Variants in LRMDA observed in about 807,000 individuals in gnomAD.
The protein encoded by LRMDA is leucine rich melanocyte differentiation associated, also known as leucine-rich melanocyte differentiation-associated protein.
In LRMDA, 18 loss-of-function variants were observed where a neutral mutation model predicts 29.8. The observed-to-expected ratio is 0.60, with a 90% CI of 0.42 to 0.90. LRMDA has a LOEUF of 0.90. Among genes scored for constraint, LRMDA ranks in the 40% least tolerant of loss-of-function variants. The probability of loss-of-function intolerance (pLI) is 0.00; values close to 1 mark genes in which losing one functional copy is unlikely to be tolerated. For missense variants in LRMDA, 273 were observed against 273.9 expected (o/e 1.00, Z 0.02); for synonymous variants, 125 against 109.4 (o/e 1.14, Z -0.89).
chr10:76,316,353 C>T (rs557509462), intron 5 of LRMDA, among the ~76,000 whole-genome samples: 4 of 152,178 alleles, frequency 2.6e-5, no homozygotes, highest in Admixed American at 2.0e-4. Flanking sequence ...GCACTTGGAG[C>T]TGCCTGCCCC....
chr10:76,011,468 C>T (rs1407275832), intron 2 of LRMDA, among the ~76,000 whole-genome samples: 1 of 152,146 alleles, frequency 6.6e-6, no homozygotes, highest in Non-Finnish European at 1.5e-5. Flanking sequence ...TGCTGTGAGC[C>T]AGTGTGTGAC....
chr10:75,923,788 A>G (rs1885821), intron 2 of LRMDA, among the ~76,000 whole-genome samples: 17,378 of 152,052 alleles, frequency 0.11, 2,423 homozygotes, highest in African/African-American at 0.33. Context: ...CAGAGGAATG[A>G]CCTTCCATTT....
intron 6 of LRMDA, among the ~76,000 whole-genome samples, chr10:76,468,384 G>T (rs987652157): frequency 6.6e-6 from 1 of 152,158 alleles, no homozygotes; most frequent in Non-Finnish European, 1.5e-5. Context: ...TCACTGGCTG[G>T]CAAGTTTTGA....
chr10:76,510,218 G>A (rs1842996470), intron 6 of LRMDA, among the ~76,000 whole-genome samples: 2 of 151,982 alleles, frequency 1.3e-5, no homozygotes, highest in South Asian at 2.1e-4. Flanking sequence ...CTACAAGCGT[G>A]TGCCACCACG....
intron 2 of LRMDA, among the ~76,000 whole-genome samples, chr10:75,867,122 C>T (rs1589234285): frequency 6.6e-6 from 1 of 152,128 alleles, no homozygotes. Flanking sequence ...CTATCCTGCA[C>T]CCTGTCAATA....
chr10:76,084,364 ATTTTTTTTTTTTTT>A (rs71024586), intron 5 of LRMDA, among the ~76,000 whole-genome samples: 180 of 70,934 alleles, frequency 2.5e-3, no homozygotes, highest in African/African-American at 9.9e-3. Flanking sequence ...CGCCCAGCTA[ATTTTTTTTTTTTTT>A]TTTTTTTTTT....
chr10:75,852,306 G>A (rs1446368904), intron 2 of LRMDA, among the ~76,000 whole-genome samples: 1 of 152,182 alleles, frequency 6.6e-6, no homozygotes, highest in African/African-American at 2.4e-5. Context: ...GTTGTAATCT[G>A]CATATATTAG....
intron 5 of LRMDA, among the ~76,000 whole-genome samples, chr10:76,242,612 G>C (rs968302943): frequency 6.6e-6 from 1 of 152,022 alleles, no homozygotes; most frequent in Non-Finnish European, 1.5e-5. Flanking sequence ...TGTTCACATT[G>C]TCCTCTTAGA....
At chr10:75,540,798 A>C (rs542572622) in intron 2 of LRMDA, among the ~76,000 whole-genome samples, 1 of 152,308 alleles carries the variant, frequency 6.6e-6, no homozygotes, top group South Asian at 2.1e-4. Flanking sequence ...TGTTCAGAAG[A>C]GTGCCTGGCA....
intron 6 of LRMDA, among the ~76,000 whole-genome samples, chr10:76,510,183 GC>G (rs1030919407): frequency 6.6e-6 from 1 of 152,064 alleles, no homozygotes; most frequent in Non-Finnish European, 1.5e-5. Flanking sequence ...CGATTCTCCT[GC>G]CTCAACCTCC....
intron 2 of LRMDA, among the ~76,000 whole-genome samples, chr10:75,625,294 A>G (rs552197115): frequency 6.6e-6 from 1 of 152,332 alleles, no homozygotes; most frequent in African/African-American, 2.4e-5. Context: ...GTGAGAGAGG[A>G]CTATCAATAT....
At chr10:76,340,273 T>C (rs1262426186) in intron 6 of LRMDA, among the ~76,000 whole-genome samples, 1 of 151,948 alleles carries the variant, frequency 6.6e-6, no homozygotes, top group African/African-American at 2.4e-5. Context: ...CCCAACACTT[T>C]CGGAGGCCAA....
intron 2 of LRMDA, among the ~76,000 whole-genome samples, chr10:75,776,849 A>G (rs1426833583): frequency 6.6e-6 from 1 of 152,234 alleles, no homozygotes; most frequent in East Asian, 1.9e-4. Context: ...GTCTTTAATT[A>G]TGGCCGTGCT....
rs181628234 is a variant in LRMDA at position 76,236,377 on chromosome 10, A to T, written c.517-88024A>T. Among the ~76,000 whole-genome samples the T allele has an allele frequency of 2.0e-5, 3 of 152,312 alleles. No homozygotes were observed. In the East Asian group the frequency reaches 5.8e-4, roughly 29 times the overall value. On this transcript the variant is annotated intron_variant, in intron 5 of 6. Transcript: ENST00000611255. ...GCTTTTAAGATAGATAGGATCTCTG[A>T]CACTACAATCATAAGGTTTATGTTT... is the stretch of plus-strand genomic sequence containing the variant.
chr10:75,582,930 G>A (rs1198319892), intron 2 of LRMDA, among the ~76,000 whole-genome samples: 1 of 151,882 alleles, frequency 6.6e-6, no homozygotes. Flanking sequence ...ACATCCTTAG[G>A]GCAGGCTCTT....
intron 2 of LRMDA, among the ~76,000 whole-genome samples, chr10:75,814,552 C>T (rs1844024166): frequency 6.6e-6 from 1 of 151,860 alleles, no homozygotes; most frequent in African/African-American, 2.4e-5. Context: ...CATTCAGCAA[C>T]ATTTTCCCTT....
At chr10:76,221,800 C>A (rs1851844874) in intron 5 of LRMDA, among the ~76,000 whole-genome samples, 1 of 152,032 alleles carries the variant, frequency 6.6e-6, no homozygotes, top group Non-Finnish European at 1.5e-5. Context: ...AAAAAGAGCC[C>A]ACATCGCCAA....
intron 2 of LRMDA, among the ~76,000 whole-genome samples, chr10:75,873,570 A>G (rs1845147829): frequency 6.6e-6 from 1 of 152,104 alleles, no homozygotes; most frequent in South Asian, 2.1e-4. Context: ...GAGGTATGAG[A>G]TATGTGGGTT....
chr10:76,187,159 C>A (rs1287020825), intron 5 of LRMDA, among the ~76,000 whole-genome samples: 6 of 152,134 alleles, frequency 3.9e-5, no homozygotes, highest in Non-Finnish European at 5.9e-5. Context: ...GATGCTGTCA[C>A]ATCTAAAAGG....
Sources: gnomAD v4.1 joint callset for allele counts (sites outside exome capture counted in the v4.1 genomes callset) on GRCh38, gnomAD v4.1.1 for gene constraint, MANE v1.5 for transcripts, NCBI Gene and HGNC (gene_info 2026-07-23, HGNC 2026-07-21) for gene names.